GPM6A: variants seen among roughly 807,000 people sequenced by gnomAD.
GPM6A encodes the protein glycoprotein M6A.
A neutral mutation model predicts 32.1 loss-of-function variants in GPM6A; 7 were observed. That is an observed-to-expected ratio of 0.22 (90% CI 0.12 to 0.41). The LOEUF (loss-of-function observed/expected upper bound fraction) is 0.41, where lower values mean the gene tolerates loss of function less well. GPM6A is among the 10% of genes least tolerant of loss of function. GPM6A has a pLI of 1.00. For missense variants in GPM6A, 235 were observed against 347.2 expected, an observed-to-expected ratio of 0.68 and a Z score of 2.57; for synonymous variants, 130 against 123.4, an observed-to-expected ratio of 1.05 and a Z score of -0.35.
intron 2 of GPM6A, among the ~76,000 whole-genome samples, chr4:175,691,542 T>C (rs1192565326): frequency 6.6e-6 from 1 of 152,220 alleles, no homozygotes; most frequent in Non-Finnish European, 1.5e-5. Context: ...TTTGAAAACT[T>C]CCTTTTAAAT....
At chr4:175,856,151 A>C (rs1341735659) in intron 1 of GPM6A, among the ~76,000 whole-genome samples, 2 of 152,270 alleles carry the variant, frequency 1.3e-5, no homozygotes, top group African/African-American at 2.4e-5. Context: ...GGATTTTTTA[A>C]GGTAAAAAAC....
chr4:175,827,000 G>A (rs1409495796), intron 1 of GPM6A, among the ~76,000 whole-genome samples: 6 of 152,084 alleles, frequency 3.9e-5, no homozygotes, highest in Non-Finnish European at 8.8e-5. Context: ...ACTTCACAAG[G>A]TGAAGTCACT....
intron 1 of GPM6A, among the ~76,000 whole-genome samples, chr4:175,967,361 CCTG>C (rs779840578): frequency 2.1e-3 from 314 of 152,218 alleles, no homozygotes; most frequent in Non-Finnish European, 3.0e-3. Flanking sequence ...TAGAAGCTTT[CCTG>C]CTATGGTGAG....
intron 1 of GPM6A, among the ~76,000 whole-genome samples, chr4:175,913,980 C>A (rs775328840): frequency 2.6e-5 from 4 of 152,074 alleles, no homozygotes; most frequent in Non-Finnish European, 5.9e-5. Flanking sequence ...TGAGACAGGT[C>A]TCAATCAATT....
At chr4:175,653,478 T>C (rs1369075502) in intron 3 of GPM6A, among the ~76,000 whole-genome samples, 3 of 152,180 alleles carry the variant, frequency 2.0e-5, no homozygotes. Context: ...AACTAAGATT[T>C]GGCAGACATA....
intron 2 of GPM6A, among the ~76,000 whole-genome samples, chr4:175,686,768 T>C (rs997301384): frequency 7.9e-5 from 12 of 152,252 alleles, no homozygotes; most frequent in Admixed American, 2.6e-4. Context: ...ACTAATATAG[T>C]TGACTAATTA....
chr4:175,933,218 C>T (rs1171978893), intron 1 of GPM6A, among the ~76,000 whole-genome samples: 3 of 152,074 alleles, frequency 2.0e-5, no homozygotes, highest in African/African-American at 4.8e-5. Context: ...TGGGATACTT[C>T]AAATGATCAA....
chr4:175,872,437 A>C (rs1048599083), intron 1 of GPM6A, among the ~76,000 whole-genome samples: 1 of 152,234 alleles, frequency 6.6e-6, no homozygotes, highest in Non-Finnish European at 1.5e-5. Flanking sequence ...GGACACACTA[A>C]AATATTCCTA....
intron 1 of GPM6A, among the ~76,000 whole-genome samples, chr4:175,798,149 CAAAT>C (rs749005299): frequency 2.6e-5 from 4 of 152,298 alleles, no homozygotes; most frequent in Non-Finnish European, 4.4e-5. Flanking sequence ...CTTACAAAGA[CAAAT>C]AAACCTCAAA....
intron 2 of GPM6A, among the ~76,000 whole-genome samples, chr4:175,675,700 A>T (rs1743324072): frequency 6.6e-6 from 1 of 151,966 alleles, no homozygotes; most frequent in African/African-American, 2.4e-5. Context: ...CCCTGACTGG[A>T]GTGCAGTGAC....
chr4:175,788,463 AT>A (rs199895446), intron 1 of GPM6A, among the ~76,000 whole-genome samples: 3 of 152,058 alleles, frequency 2.0e-5, no homozygotes, highest in East Asian at 1.9e-4. Flanking sequence ...CAGACTACTG[AT>A]TTTTTTTAAA....
chr4:175,955,505 A>T (rs1739956425), intron 1 of GPM6A, among the ~76,000 whole-genome samples: 3 of 152,202 alleles, frequency 2.0e-5, no homozygotes. Context: ...TCCAGTATGT[A>T]TCACATGTTC....
chr4:175,686,956 C>T (rs1744015009), intron 2 of GPM6A, among the ~76,000 whole-genome samples: 1 of 152,058 alleles, frequency 6.6e-6, no homozygotes, highest in South Asian at 2.1e-4. Flanking sequence ...GTAAGAAATG[C>T]CTGCTTCTTC....
At chr4:175,987,285 A>T (rs1454932981) in intron 1 of GPM6A, among the ~76,000 whole-genome samples, 5 of 152,304 alleles carry the variant, frequency 3.3e-5, no homozygotes, top group African/African-American at 1.2e-4. Context: ...GTGTCTTTTG[A>T]CCAACACCTG....
intron 1 of GPM6A, among the ~76,000 whole-genome samples, chr4:175,924,889 T>C (rs940707820): frequency 6.7e-6 from 1 of 150,222 alleles, no homozygotes; most frequent in Non-Finnish European, 1.5e-5. Context: ...TGTGCTACAG[T>C]GGTTTTGTCA....
chr4:175,766,103 A>G (rs904483569), intron 1 of GPM6A, among the ~76,000 whole-genome samples: 2 of 152,212 alleles, frequency 1.3e-5, no homozygotes, highest in Non-Finnish European at 2.9e-5. Context: ...TCGGTCCTAC[A>G]TGAGACTGTA....
chr4:175,658,858 G>C (rs1337709284), intron 3 of GPM6A, among the ~76,000 whole-genome samples: 1 of 152,158 alleles, frequency 6.6e-6, no homozygotes, highest in East Asian at 1.9e-4. Context: ...AAAATCACCA[G>C]TGTCACTGTG....
In GPM6A at chr4:175,701,629, T is replaced by A. The variant is rs1211234809; in HGVS notation, c.176A>T (p.Gln59Leu). The A allele has an allele frequency of 1.2e-6, 2 of 1,613,916 alleles. No homozygotes were observed. ...EALSGTVNILQTYFEMARTAG... is the reference protein window; with the variant it reads ...EALSGTVNILLTYFEMARTAG... ...AGTTCTTGCCATCTCAAAGTAGGTT[T>A]GCAGAATGTTGACAGTTCCAGAAAG... is the stretch of plus-strand genomic sequence containing the variant. Residue 59 changes from glutamine (Q) to leucine (L), a missense_variant, in exon 2 of 7, where the codon CAA (glutamine) becomes CTA (leucine). Physicochemically the swap from Gln to Leu is moderately radical, Grantham distance 113. This residue lies in a region of GPM6A where 101 missense variants were observed against 171.2 expected (regional missense o/e 0.59). Transcript: ENST00000393658.
intron 1 of GPM6A, among the ~76,000 whole-genome samples, chr4:175,860,814 G>A (rs1736551989): frequency 6.6e-6 from 1 of 152,124 alleles, no homozygotes; most frequent in Admixed American, 6.6e-5. Flanking sequence ...CTATGTTTAA[G>A]CAGATGGCTA....
Sources: gnomAD v4.1 joint callset for allele counts (sites outside exome capture counted in the v4.1 genomes callset) on GRCh38, gnomAD v4.1.1 for gene constraint, gnomAD v4.1.1 regional missense constraint, MANE v1.5 for transcripts, NCBI Gene and HGNC (gene_info 2026-07-23, HGNC 2026-07-21) for gene names.